The following GGTA1 variants were observed in gnomAD, a reference collection of about 807,000 sequenced individuals.
The protein encoded by GGTA1 is inactive N-acetyllactosaminide alpha-1,3-galactosyltransferase.
Under a neutral mutation model 2.6 loss-of-function variants are expected in GGTA1, and 5 were observed. The ratio of observed to expected loss-of-function variants is 1.92; its 90% CI spans 1.00 to 4.04. The LOEUF (loss-of-function observed/expected upper bound fraction) is 4.04. Among genes scored for constraint, GGTA1 ranks in the 30% most tolerant of loss-of-function variants. The pLI is 0.00. For missense variants in GGTA1, 50 were observed against 16.7 expected (o/e 2.99, Z -3.47); for synonymous variants, 17 against 5.0 (o/e 3.38, Z -3.19).
intron 2 of GGTA1, among the ~76,000 whole-genome samples, chr9:121,463,775 C>T (rs1274884054): frequency 1.3e-5 from 2 of 152,166 alleles, no homozygotes; most frequent in Non-Finnish European, 2.9e-5. Flanking sequence ...TCTCCTGCCA[C>T]CTACTCAGGT....
downstream of GGTA1, among the ~76,000 whole-genome samples, chr9:121,453,944 G>A (rs975353901): frequency 1.3e-5 from 2 of 152,120 alleles, no homozygotes; most frequent in African/African-American, 2.4e-5. Flanking sequence ...TGTAGTTCTT[G>A]AGCTGACTCT....
chr9:121,489,301 C>T (rs1171180206), intron 1 of GGTA1, among the ~76,000 whole-genome samples: 7 of 152,154 alleles, frequency 4.6e-5, no homozygotes, highest in Admixed American at 1.3e-4. Context: ...TGAGCTCAAG[C>T]GATCCTCCCA....
intron 1 of GGTA1, among the ~76,000 whole-genome samples, chr9:121,486,465 G>A (rs1828755859): frequency 6.6e-6 from 1 of 152,210 alleles, no homozygotes; most frequent in Non-Finnish European, 1.5e-5. Flanking sequence ...AGGACTCCTG[G>A]GCTCCAGTCT....
At chr9:121,454,238 G>A (rs150770205), downstream of GGTA1, among the ~76,000 whole-genome samples, 1 of 152,296 alleles carries the variant, frequency 6.6e-6, no homozygotes, top group Non-Finnish European at 1.5e-5. Flanking sequence ...AGAAGCTACT[G>A]TGCACTCTGC....
downstream of GGTA1, among the ~76,000 whole-genome samples, chr9:121,453,818 G>C (rs116028108): frequency 5.3e-3 from 802 of 152,252 alleles, 5 homozygotes; most frequent in African/African-American, 0.018. Context: ...TTCCCACAGC[G>C]AGGCTGATAG....
chr9:121,491,151 C>T (rs528548509), intron 1 of GGTA1, among the ~76,000 whole-genome samples: 23 of 152,252 alleles, frequency 1.5e-4, no homozygotes, highest in Non-Finnish European at 3.2e-4. Context: ...TCCTTGCTCT[C>T]GGGGAGCCAG....
At chr9:121,471,053 C>T (rs934766017) in intron 1 of GGTA1, among the ~76,000 whole-genome samples, 8 of 152,130 alleles carry the variant, frequency 5.3e-5, no homozygotes, top group Non-Finnish European at 4.4e-5. Flanking sequence ...GGAAAGAAGC[C>T]GGCCCTGGGC....
At chr9:121,459,973 A>C in intron 5 of GGTA1, 131 bp downstream of exon 5, 1 of 376,912 alleles carries the variant, frequency 2.7e-6, no homozygotes, top group South Asian at 2.0e-5. Context: ...GTCTACTGTT[A>C]AAGGTCTAAT....
intron 7 of GGTA1, among the ~76,000 whole-genome samples, chr9:121,447,928 C>A (rs1564648951): frequency 6.6e-6 from 1 of 152,192 alleles, no homozygotes; most frequent in South Asian, 2.1e-4. Flanking sequence ...CCTTCCTCTC[C>A]TCTGGCTCTT....
intron 1 of GGTA1, among the ~76,000 whole-genome samples, chr9:121,496,731 CAAAAAAAAAAAAAAAAAA>C (rs772847384): frequency 1.9e-4 from 6 of 31,208 alleles, no homozygotes; most frequent in African/African-American, 7.3e-4. Context: ...GGCTCCATCT[CAAAAAAAAAAAAAAAAAA>C]AAAAAAAAAG....
At chr9:121,466,355 G>C (rs940816740) in intron 2 of GGTA1, among the ~76,000 whole-genome samples, 3 of 152,120 alleles carry the variant, frequency 2.0e-5, no homozygotes, top group Non-Finnish European at 4.4e-5. Flanking sequence ...GAGTTCCAGG[G>C]TCCCCACACA....
chr9:121,472,698 C>A (rs111740180), intron 1 of GGTA1, among the ~76,000 whole-genome samples: 2,780 of 151,694 alleles, frequency 0.018, 83 homozygotes, highest in African/African-American at 0.061. Flanking sequence ...CTGCTACAAC[C>A]CCCTATGTGT....
At chr9:121,446,634 TA>T (rs2064853513) in exon 8 of GGTA1, 1 of 152,248 alleles carries the variant, frequency 6.6e-6, no homozygotes, top group Non-Finnish European at 1.5e-5. Context: ...TTTCTGGCTT[TA>T]TCTCTGCCTA....
intron 1 of GGTA1, among the ~76,000 whole-genome samples, chr9:121,479,881 C>A (rs1157582549): frequency 1.3e-5 from 2 of 152,132 alleles, no homozygotes; most frequent in African/African-American, 4.8e-5. Context: ...GTTACGGGAT[C>A]TCCCACAGCA....
intron 1 of GGTA1, among the ~76,000 whole-genome samples, chr9:121,488,631 C>T (rs1589338156): frequency 6.6e-6 from 1 of 152,184 alleles, no homozygotes. Context: ...GCAGGAGAAT[C>T]GCTTGAACCC....
At chr9:121,487,574 C>CAAAAA (rs35537073) in intron 1 of GGTA1, among the ~76,000 whole-genome samples, 7 of 65,916 alleles carry the variant, frequency 1.1e-4, no homozygotes, top group Non-Finnish European at 1.4e-4. Flanking sequence ...GACTCTGTCT[C>CAAAAA]AAAAAAAAAA....
intron 1 of GGTA1, among the ~76,000 whole-genome samples, chr9:121,492,737 G>T (rs756407402): frequency 6.6e-6 from 1 of 151,466 alleles, no homozygotes; most frequent in Non-Finnish European, 1.5e-5. Context: ...GCCTCCCAAA[G>T]TGCTGGGATT....
chr9:121,451,085 A>C (rs576935289), downstream of GGTA1, among the ~76,000 whole-genome samples: 139 of 152,332 alleles, frequency 9.1e-4, no homozygotes, highest in Non-Finnish European at 1.6e-3. Flanking sequence ...AGAAAAAAAA[A>C]TAGGAAAATT....
intron 1 of GGTA1, among the ~76,000 whole-genome samples, chr9:121,479,803 G>A (rs1032422457): frequency 4.6e-5 from 7 of 152,182 alleles, no homozygotes; most frequent in Admixed American, 1.3e-4. Context: ...TCAAAGTTAA[G>A]TCCTTCCTCT....
Sources: allele counts gnomAD v4.1 joint callset (sites outside exome capture counted in the v4.1 genomes callset), GRCh38; gene constraint gnomAD v4.1.1; transcripts MANE v1.5; gene names NCBI Gene and HGNC (gene_info 2026-07-23, HGNC 2026-07-21).